The following PHKA1 variants were observed in gnomAD, a reference collection of about 807,000 sequenced individuals.
The protein encoded by PHKA1 is phosphorylase kinase regulatory subunit alpha 1, also known as phosphorylase b kinase regulatory subunit alpha, skeletal muscle isoform.
PHKA1 carries 60 observed loss-of-function variants against 110.2 expected under a neutral mutation model. The ratio of observed to expected loss-of-function variants is 0.54; its 90% confidence interval spans 0.44 to 0.68. PHKA1 has a LOEUF of 0.68. Among genes scored for constraint, PHKA1 ranks in the 30% least tolerant of loss-of-function variants. The pLI is 0.00. For missense variants in PHKA1, 801 were observed against 942.5 expected, an observed-to-expected ratio of 0.85 and a Z score of 1.97; for synonymous variants, 316 against 333.6, an observed-to-expected ratio of 0.95 and a Z score of 0.58.
chrX:72,596,796 T>G (rs2052595158), intron 28 of PHKA1, among the ~76,000 whole-genome samples: 1 of 111,486 alleles, frequency 9.0e-6, no homozygotes, highest in African/African-American at 3.3e-5. Context: ...GATCCTAACA[T>G]TCATATTTAA....
At chrX:72,606,413 C>T (rs1556251617) in intron 23 of PHKA1, among the ~76,000 whole-genome samples, 1 of 110,540 alleles carries the variant, frequency 9.0e-6, no homozygotes, top group East Asian at 2.9e-4. Flanking sequence ...TCTGATTCTC[C>T]TGCTGACACA....
At chrX:72,641,099 CA>C (rs782638705) in intron 14 of PHKA1, among the ~76,000 whole-genome samples, 8 of 111,486 alleles carry the variant, frequency 7.2e-5, no homozygotes, top group Non-Finnish European at 1.5e-4. Flanking sequence ...ATAATTTATA[CA>C]TACTAAAACC....
intron 4 of PHKA1, among the ~76,000 whole-genome samples, chrX:72,685,333 C>A (rs1042404906): frequency 6.3e-5 from 7 of 111,050 alleles, no homozygotes; most frequent in Admixed American, 1.9e-4. Flanking sequence ...TTTATATCTC[C>A]CCCCTCAAAC....
chrX:72,654,731 G>A (rs2053469424), intron 10 of PHKA1, among the ~76,000 whole-genome samples: 2 of 110,579 alleles, frequency 1.8e-5, no homozygotes, highest in South Asian at 7.6e-4. Flanking sequence ...TTTATGTGCT[G>A]CACTCCTTAC....
At chrX:72,588,752 A>G (rs2052472894) in intron 29 of PHKA1, among the ~76,000 whole-genome samples, 1 of 111,866 alleles carries the variant, frequency 8.9e-6, no homozygotes, top group Non-Finnish European at 1.9e-5. Context: ...GGATATCACC[A>G]CCAATCCCAC....
At chrX:72,713,624 C>A (rs1319399560) in intron 1 of PHKA1, among the ~76,000 whole-genome samples, 179 bp downstream of exon 1, 3 of 109,506 alleles carry the variant, frequency 2.7e-5, no homozygotes, top group Non-Finnish European at 3.8e-5. Flanking sequence ...CAGACAGATA[C>A]AGATACACAC....
chrX:72,619,092 C>A (rs2052939006), intron 20 of PHKA1, 122 bp downstream of exon 20: 4 of 562,433 alleles, frequency 7.1e-6, no homozygotes, highest in Admixed American at 5.4e-5. Context: ...TGTATCTTCA[C>A]CAGAATAGCA....
intron 6 of PHKA1, among the ~76,000 whole-genome samples, chrX:72,671,807 G>A (rs2053704685): frequency 9.0e-6 from 1 of 111,175 alleles, no homozygotes; most frequent in Admixed American, 9.5e-5. Context: ...TCTGATCTTT[G>A]ACAAACCTGA....
chrX:72,695,992 A>T (rs2054104401), intron 3 of PHKA1, 116 bp from the exon 4 acceptor site: 6 of 611,803 alleles, frequency 9.8e-6, no homozygotes. Context: ...ATCTTCAGGC[A>T]ATTGTGAATA....
chrX:72,634,698 A>G (rs1447900312), intron 16 of PHKA1, among the ~76,000 whole-genome samples: 1 of 111,874 alleles, frequency 8.9e-6, no homozygotes, highest in African/African-American at 3.2e-5. Context: ...ATGTACCACT[A>G]GAGTAAGAAA....
intron 30 of PHKA1, among the ~76,000 whole-genome samples, chrX:72,583,392 T>C (rs1363662960): frequency 8.9e-6 from 1 of 112,267 alleles, no homozygotes; most frequent in Non-Finnish European, 1.9e-5. Flanking sequence ...TTAAAGGTAC[T>C]ATTCAGGTAT....
At chrX:72,676,031 C>T (rs781949037) in intron 6 of PHKA1, 39 bp downstream of exon 6, 24 of 1,019,957 alleles carry the variant, frequency 2.4e-5, no homozygotes, top group Non-Finnish European at 3.0e-5. Context: ...ACCAGACTTC[C>T]TCATCCCATA....
At chrX:72,582,943 T>C (rs1556205391) in intron 30 of PHKA1, among the ~76,000 whole-genome samples, 1 of 112,036 alleles carries the variant, frequency 8.9e-6, no homozygotes, top group Admixed American at 9.5e-5. Context: ...GAACGGCATA[T>C]CATGGCATAG....
At chrX:72,710,042 CAA>C (rs374071163) in intron 2 of PHKA1, among the ~76,000 whole-genome samples, 1 of 19,253 alleles carries the variant, frequency 5.2e-5, no homozygotes. Context: ...ACTTAGTCTT[CAA>C]AAAAAAAAAA....
At chrX:72,649,863 G>A (rs1475747102) in intron 13 of PHKA1, among the ~76,000 whole-genome samples, 3 of 109,824 alleles carry the variant, frequency 2.7e-5, no homozygotes, top group African/African-American at 6.7e-5. Flanking sequence ...GTGGTGGTGC[G>A]CGACTGTGAT....
chrX:72,623,167 G>A lies in PHKA1; in HGVS notation c.1902C>T (p.Asp634=). ...EGKLYSEDYD[D]NYDYLESGNW... ...TGCCAGATTCCAGGTAATCATAGTTGTCATCATAATCTTCACTGTACAGCT... is the reference window on the plus strand; with the variant it reads ...TGCCAGATTCCAGGTAATCATAGTTATCATCATAATCTTCACTGTACAGCT... The change falls in exon 18 of 32, where the codon GAC becomes GAT. Residue 634 remains aspartate, a synonymous_variant. Transcript: ENST00000373542. 2 of 1,210,202 alleles carry A rather than the reference G, an allele frequency of 1.7e-6. No individual in the cohort carries two copies. Among genetic ancestry groups the A allele is most frequent in the Non-Finnish European group, 2.2e-6 (2 of 894,328 alleles).
At chrX:72,688,867 A>C (rs1279450883) in intron 4 of PHKA1, 1 of 112,153 alleles carries the variant, frequency 8.9e-6, no homozygotes, top group Non-Finnish European at 1.9e-5. Flanking sequence ...TTGAAAATTT[A>C]TTAAGTGATT....
At chrX:72,610,801 T>C (rs1314344673) in intron 22 of PHKA1, among the ~76,000 whole-genome samples, 1 of 111,701 alleles carries the variant, frequency 9.0e-6, no homozygotes, top group Non-Finnish European at 1.9e-5. Flanking sequence ...ATTCTTAAGA[T>C]ATAGAATTCT....
At chrX:72,591,741 T>C (rs1472446194) in intron 29 of PHKA1, among the ~76,000 whole-genome samples, 1 of 112,114 alleles carries the variant, frequency 8.9e-6, no homozygotes, top group Non-Finnish European at 1.9e-5. Context: ...AATATCTTTA[T>C]AACAAAGCTT....
Sources: allele counts gnomAD v4.1 joint callset (sites outside exome capture counted in the v4.1 genomes callset), GRCh38; gene constraint gnomAD v4.1.1; transcripts MANE v1.5; gene names NCBI Gene and HGNC (gene_info 2026-07-23, HGNC 2026-07-21).